MCF2L2: variants seen among roughly 807,000 people sequenced by gnomAD.
MCF2L2 encodes the protein MCF.2 cell line derived transforming sequence-like 2.
MCF2L2 carries 102 observed loss-of-function variants against 150.2 expected under a neutral mutation model. The observed-to-expected ratio is 0.68, with a 90% CI of 0.58 to 0.80. The LOEUF (loss-of-function observed/expected upper bound fraction) is 0.80. Among genes scored for constraint, MCF2L2 ranks in the 30% least tolerant of loss-of-function variants. The pLI is 0.00. For missense variants in MCF2L2, 1,256 were observed against 1,372.8 expected, an observed-to-expected ratio of 0.91 and a Z score of 1.34; for synonymous variants, 465 against 491.3, an observed-to-expected ratio of 0.95 and a Z score of 0.71.
At chr3:183,350,175 C>T (rs180760711) in intron 3 of MCF2L2, among the ~76,000 whole-genome samples, 11 of 152,300 alleles carry the variant, frequency 7.2e-5, no homozygotes, top group African/African-American at 2.6e-4. Flanking sequence ...ACAGAAAGAG[C>T]TGTGTCTCCT....
chr3:183,218,597 G>A (rs954053906), intron 21 of MCF2L2, among the ~76,000 whole-genome samples: 3 of 152,110 alleles, frequency 2.0e-5, no homozygotes, highest in African/African-American at 7.2e-5. Flanking sequence ...CTGCGCCATT[G>A]CACTCCAGTC....
Position 183,270,078 on chromosome 3 carries a change from G to C in MCF2L2, c.1862+6794C>G, listed in dbSNP as rs1726603706. The C allele has an allele frequency of 6.2e-7, 1 of 1,614,128 alleles. No individual in the cohort carries two copies. Among genetic ancestry groups the C allele is most frequent in the Non-Finnish European group, 8.5e-7 (1 of 1,180,020 alleles). ...TCAAGACGTCCTCCTTTTACTGTTT[G>C]TAAAAACTGCTCCTGAAAACTATGA... On this transcript the variant is annotated intron_variant, in intron 15 of 29. Transcript: ENST00000328913. The surrounding 1 kb of genome is among the most constrained non-coding windows in gnomAD (Gnocchi z 4.5).
intron 22 of MCF2L2, among the ~76,000 whole-genome samples, chr3:183,210,481 T>C (rs1339310443): frequency 6.6e-6 from 1 of 152,136 alleles, no homozygotes; most frequent in East Asian, 1.9e-4. Flanking sequence ...TACTAAGACA[T>C]AAGAAACATT....
chr3:183,413,803 C>A (rs1715443380), intron 1 of MCF2L2, among the ~76,000 whole-genome samples: 1 of 152,176 alleles, frequency 6.6e-6, no homozygotes, highest in African/African-American at 2.4e-5. Flanking sequence ...TCCAATTACT[C>A]CTTACAAATA....
intron 9 of MCF2L2, among the ~76,000 whole-genome samples, chr3:183,310,136 G>T (rs375449620): frequency 1.3e-5 from 2 of 152,006 alleles, no homozygotes; most frequent in Admixed American, 1.3e-4. Context: ...TGAGGCAGGA[G>T]GATTGTTTGT....
Position 183,252,378 on chromosome 3 carries a change from G to A in MCF2L2, c.1863-21361C>T, listed in dbSNP as rs181706118. Among the ~76,000 whole-genome samples the A allele has an allele frequency of 7.2e-5, 11 of 152,272 alleles. 1 individual carries two copies. In the East Asian group the frequency reaches 2.1e-3, roughly 29 times the overall value. Reference sequence around the variant, plus strand: ...GATGAACATGCAGTGCCACAGTCTGGGAGATGCTGAGCCATGCCCTGTGTA... The same window carrying A: ...GATGAACATGCAGTGCCACAGTCTGAGAGATGCTGAGCCATGCCCTGTGTA... On this transcript the variant is annotated intron_variant, in intron 15 of 29. Coordinates refer to ENST00000328913, the MANE Select transcript of MCF2L2 (RefSeq NM_015078.4).
At position 183,216,194 on chromosome 3, in the gene MCF2L2, C is replaced by G. The variant is rs928435237; in HGVS notation, c.2371-100G>C. ...ATGAGGAGCCAGGGATCCAGCCAACCCTGACTGAGAAGGGTGGATATTGAT... is the reference window on the plus strand; with the variant it reads ...ATGAGGAGCCAGGGATCCAGCCAACGCTGACTGAGAAGGGTGGATATTGAT... On this transcript the variant is annotated intron_variant, in intron 21 of 29. Transcript: ENST00000328913. The G allele has an allele frequency of 4.6e-6, 6 of 1,297,628 alleles. No individual in the cohort carries two copies. The East Asian group carries it at 1.4e-4, about 30-fold the overall frequency. The allele number at this position is 1,297,628 out of a possible 1,614,324, so 80.4% of individuals were successfully genotyped here.
intron 2 of MCF2L2, among the ~76,000 whole-genome samples, chr3:183,386,597 C>A (rs1205655679): frequency 6.6e-6 from 1 of 152,222 alleles, no homozygotes; most frequent in African/African-American, 2.4e-5. Context: ...TGGCTCCTTC[C>A]AGAGATCAGT....
intron 5 of MCF2L2, among the ~76,000 whole-genome samples, chr3:183,329,744 C>T (rs1340413588): frequency 1.3e-5 from 2 of 152,174 alleles, no homozygotes; most frequent in South Asian, 2.1e-4. Context: ...CTGAGAAAAT[C>T]GCCATTAGGC....
chr3:183,293,495 A>G (rs941898526), intron 13 of MCF2L2, among the ~76,000 whole-genome samples: 2 of 152,214 alleles, frequency 1.3e-5, no homozygotes, highest in African/African-American at 4.8e-5. Context: ...CTCTCAATAC[A>G]TGGACCAAAT....
intron 5 of MCF2L2, among the ~76,000 whole-genome samples, chr3:183,330,512 T>C (rs989364476): frequency 6.6e-6 from 1 of 152,060 alleles, no homozygotes; most frequent in Non-Finnish European, 1.5e-5. Flanking sequence ...GGAGAGGGGC[T>C]GGCTACAAAA....
rs1326381054 is a variant in MCF2L2 at position 183,428,556 on chromosome 3, CGCTCCACCCCCGGA to C, written c.-593_-580del. 1 of 152,438 alleles carries C rather than the reference CGCTCCACCCCCGGA, an allele frequency of 6.6e-6. No homozygotes were observed. Among genetic ancestry groups the C allele is most frequent in the Non-Finnish European group, 1.5e-5 (1 of 68,238 alleles). The allele number at this position is 152,438 out of a possible 1,614,324, so 9.4% of individuals were successfully genotyped here. Reference sequence around the variant, plus strand: ...CGCACCTTTCCCTGCGGGGAGCCCGCGCTCCACCCCCGGAGTGGAGCTCCGGTCCTTACTCGGAA... The same window carrying C: ...CGCACCTTTCCCTGCGGGGAGCCCGCGTGGAGCTCCGGTCCTTACTCGGAA... On this transcript the variant is annotated 5_prime_UTR_variant, in exon 1 of 30. Coordinates refer to ENST00000328913, the MANE Select transcript of MCF2L2 (RefSeq NM_015078.4). This position sits in a 1 kb window ranked among gnomAD's most constrained non-coding sequence, Gnocchi z 5.1.
At chr3:183,367,625 T>C (rs1712616790) in intron 3 of MCF2L2, among the ~76,000 whole-genome samples, 1 of 152,116 alleles carries the variant, frequency 6.6e-6, no homozygotes, top group Non-Finnish European at 1.5e-5. Flanking sequence ...AGCAACATTA[T>C]ATAATAGGCA....
chr3:183,275,114 T>C (rs1206146153), intron 15 of MCF2L2, among the ~76,000 whole-genome samples: 1 of 152,192 alleles, frequency 6.6e-6, no homozygotes, highest in African/African-American at 2.4e-5. Flanking sequence ...TCTCTTCCCT[T>C]AAGCATCTCT....
chr3:183,424,662 C>A (rs770328734), intron 1 of MCF2L2, among the ~76,000 whole-genome samples: 1 of 152,022 alleles, frequency 6.6e-6, no homozygotes, highest in South Asian at 2.1e-4. Context: ...GGGCACAATG[C>A]GAGCAGAACA....
At chr3:183,199,024 G>T (rs1037507625) in intron 25 of MCF2L2, among the ~76,000 whole-genome samples, 1 of 151,974 alleles carries the variant, frequency 6.6e-6, no homozygotes, top group African/African-American at 2.4e-5. Context: ...ACATAATATT[G>T]TTACTAGTTC....
chr3:183,248,704 G>A (rs1050388515), intron 15 of MCF2L2, among the ~76,000 whole-genome samples: 1 of 152,028 alleles, frequency 6.6e-6, no homozygotes, highest in African/African-American at 2.4e-5. Context: ...TGGGCGTGAT[G>A]GGGTGCACCT....
chr3:183,223,575 C>T, intron 19 of MCF2L2, 137 bp from the exon 20 acceptor site: 2 of 643,086 alleles, frequency 3.1e-6, no homozygotes, highest in Non-Finnish European at 5.6e-6. Context: ...CTCCATAAGG[C>T]TGTGGGGTTG....
At chr3:183,391,619 G>C (rs1714157588) in intron 1 of MCF2L2, among the ~76,000 whole-genome samples, 2 of 152,170 alleles carry the variant, frequency 1.3e-5, no homozygotes, top group South Asian at 4.1e-4. Context: ...GGTGGAAGTG[G>C]GGGGTAGATG....
Sources: gnomAD v4.1 joint callset for allele counts (sites outside exome capture counted in the v4.1 genomes callset) on GRCh38, gnomAD v4.1.1 for gene constraint, Gnocchi (gnomAD v3.1) non-coding constraint, MANE v1.5 for transcripts, NCBI Gene and HGNC (gene_info 2026-07-23, HGNC 2026-07-21) for gene names.